ADAM19: variants seen among roughly 807,000 people sequenced by gnomAD.
ADAM19 encodes the protein ADAM metallopeptidase domain 19, also known as disintegrin and metalloproteinase domain-containing protein 19.
In ADAM19, 65 loss-of-function variants were observed where a neutral mutation model predicts 114.7. The observed-to-expected ratio is 0.57, with a 90% CI of 0.46 to 0.70. The LOEUF is 0.70. Among genes scored for constraint, ADAM19 ranks in the 30% least tolerant of loss-of-function variants. The pLI is 0.00. For synonymous variants in ADAM19, 466 were observed against 460.5 expected (o/e 1.01, Z -0.15); for missense variants, 1,063 against 1,204.7 (o/e 0.88, Z 1.74).
intron 11 of ADAM19, among the ~76,000 whole-genome samples, chr5:157,504,077 T>C (rs1755656991): frequency 6.6e-6 from 1 of 152,192 alleles, no homozygotes; most frequent in Non-Finnish European, 1.5e-5. Flanking sequence ...TGTTAAACTA[T>C]CCATATTTGT....
At chr5:157,533,642 T>C (rs1479805905) in intron 4 of ADAM19, among the ~76,000 whole-genome samples, 3 of 152,060 alleles carry the variant, frequency 2.0e-5, no homozygotes, top group Non-Finnish European at 4.4e-5. Context: ...CAGAAACGTG[T>C]ATCAGCTACA....
Position 157,502,929 on chromosome 5 carries a change from C to T in ADAM19, c.1182G>A (p.Arg394=). The change falls in exon 12 of 23, where the codon AGG becomes AGA. Residue 394 remains arginine, a synonymous_variant. Coordinates refer to ENST00000257527, the MANE Select transcript of ADAM19 (RefSeq NM_033274.5). ...ACATTCCACCACCTGACTGCAGATA[C>T]CTGTCCAGCTCCCTCCTGTTGCATC... ...FNGCNRRELD[R]YLQSGGGMCL... 2.5e-6 allele frequency: 4 copies of T among 1,614,178 alleles called. No homozygotes were observed. The highest frequency in any genetic ancestry group is 2.5e-6 in the Non-Finnish European group (3 of 1,180,028).
At chr5:157,517,309 G>A (rs1351283438) in intron 7 of ADAM19, among the ~76,000 whole-genome samples, 2 of 152,204 alleles carry the variant, frequency 1.3e-5, no homozygotes, top group Admixed American at 1.3e-4. Flanking sequence ...AGACAGACTG[G>A]AGTTGTGATG....
intron 12 of ADAM19, among the ~76,000 whole-genome samples, chr5:157,500,177 G>A (rs1359227936): frequency 6.6e-6 from 1 of 151,966 alleles, no homozygotes; most frequent in African/African-American, 2.4e-5. Context: ...TTAGTAACAT[G>A]ACTTGGACAC....
intron 3 of ADAM19, among the ~76,000 whole-genome samples, chr5:157,550,546 T>C (rs1757164354): frequency 6.6e-6 from 1 of 152,134 alleles, no homozygotes; most frequent in African/African-American, 2.4e-5. Context: ...GTTTTTTCCT[T>C]TTGGAGTGGT....
chr5:157,536,518 C>T (rs916661714), intron 4 of ADAM19, among the ~76,000 whole-genome samples: 2 of 152,160 alleles, frequency 1.3e-5, no homozygotes, highest in Non-Finnish European at 2.9e-5. Flanking sequence ...ATCCCACCTA[C>T]TGGGGAGGCT....
At chr5:157,546,954 G>A (rs977563101) in intron 3 of ADAM19, among the ~76,000 whole-genome samples, 1 of 152,190 alleles carries the variant, frequency 6.6e-6, no homozygotes, top group East Asian at 1.9e-4. Flanking sequence ...CCCCAATGAA[G>A]CCTCAGCTGC....
intron 3 of ADAM19, among the ~76,000 whole-genome samples, chr5:157,542,523 A>G (rs765299008): frequency 1.3e-4 from 20 of 152,230 alleles, no homozygotes; most frequent in Non-Finnish European, 2.5e-4. Context: ...ACAAGCGTAC[A>G]GCCAGGGCTG....
intron 6 of ADAM19, 25 bp from the exon 7 acceptor site, chr5:157,518,913 C>T: frequency 6.2e-7 from 1 of 1,606,024 alleles, no homozygotes; most frequent in Non-Finnish European, 8.5e-7. Context: ...CAGATCAGCG[C>T]TGTAGAAATA....
intron 4 of ADAM19, among the ~76,000 whole-genome samples, chr5:157,531,172 G>A (rs1756612726): frequency 6.6e-6 from 1 of 152,178 alleles, no homozygotes. Flanking sequence ...GGAAAATCCA[G>A]AATTTTCCTA....
chr5:157,561,041 C>A (rs1257036776), intron 3 of ADAM19, among the ~76,000 whole-genome samples: 1 of 152,186 alleles, frequency 6.6e-6, no homozygotes, highest in Non-Finnish European at 1.5e-5. Flanking sequence ...TAGTAAGTGG[C>A]AGAGCCAGGA....
chr5:157,563,653 C>G (rs1004469633), intron 3 of ADAM19, among the ~76,000 whole-genome samples: 1 of 152,146 alleles, frequency 6.6e-6, no homozygotes, highest in Non-Finnish European at 1.5e-5. Flanking sequence ...TTCAGAGTCC[C>G]CCGGCCAAGT....
intron 2 of ADAM19, chr5:157,566,686 G>C (rs1269119288): frequency 6.6e-6 from 1 of 152,108 alleles, no homozygotes; most frequent in Non-Finnish European, 1.5e-5. Flanking sequence ...TGGGACTAAG[G>C]AACTGACAAC....
intron 3 of ADAM19, among the ~76,000 whole-genome samples, chr5:157,555,081 T>C (rs1293221080): frequency 6.6e-6 from 1 of 152,180 alleles, no homozygotes; most frequent in African/African-American, 2.4e-5. Context: ...TGAGAGGCAA[T>C]ATACTGCCCC....
rs1236892899 is a variant in ADAM19, at chr5:157,479,315, G to A, written c.*1634C>T. 3 of 985,816 alleles carry A rather than the reference G, an allele frequency of 3.0e-6. No individual in the cohort carries two copies. Among genetic ancestry groups the A allele is most frequent in the Non-Finnish European group, 3.6e-6 (3 of 830,028 alleles). The allele number at this position is 985,816 out of a possible 1,614,324, so 61.1% of individuals were successfully genotyped here. ...ACCTATTGTGTGCAGAGAACTATAA[G>A]GAGGCCCTGGGGTGGTGAATCAGAA... On this transcript the variant is annotated 3_prime_UTR_variant, in exon 23 of 23. Coordinates refer to ENST00000257527, the MANE Select transcript of ADAM19 (RefSeq NM_033274.5).
intron 21 of ADAM19, among the ~76,000 whole-genome samples, chr5:157,482,208 G>GA (rs1257375516): frequency 6.6e-6 from 1 of 152,194 alleles, no homozygotes; most frequent in Non-Finnish European, 1.5e-5. Context: ...CTTCTTTTGA[G>GA]AAGTGTCTGT....
intron 11 of ADAM19, among the ~76,000 whole-genome samples, chr5:157,504,051 A>AT (rs1755655880): frequency 6.6e-6 from 1 of 152,246 alleles, no homozygotes; most frequent in Non-Finnish European, 1.5e-5. Flanking sequence ...GCTCCAAGGA[A>AT]TTTGTTACTA....
chr5:157,506,027 G>A (rs1345190321), intron 10 of ADAM19, among the ~76,000 whole-genome samples: 1 of 152,168 alleles, frequency 6.6e-6, no homozygotes, highest in African/African-American at 2.4e-5. Flanking sequence ...GTTCTCAAAG[G>A]TTGCAGACCA....
chr5:157,515,461 G>C (rs1756064202), intron 7 of ADAM19, among the ~76,000 whole-genome samples: 1 of 152,156 alleles, frequency 6.6e-6, no homozygotes, highest in Non-Finnish European at 1.5e-5. Flanking sequence ...GGCCGGATTA[G>C]GCTTTGCGGC....
Sources: gnomAD v4.1 joint callset for allele counts (sites outside exome capture counted in the v4.1 genomes callset) on GRCh38, gnomAD v4.1.1 for gene constraint, MANE v1.5 for transcripts, NCBI Gene and HGNC (gene_info 2026-07-23, HGNC 2026-07-21) for gene names.